TDRD1: variants seen among roughly 807,000 people sequenced by gnomAD.
The protein encoded by TDRD1 is tudor domain containing 1, also known as tudor domain-containing protein 1.
A neutral mutation model predicts 140.6 loss-of-function variants in TDRD1; 37 were observed. The ratio of observed to expected loss-of-function variants is 0.26; its 90% CI spans 0.20 to 0.35. The LOEUF (loss-of-function observed/expected upper bound fraction) is 0.35, where lower values mean the gene tolerates loss of function less well. Among genes scored for constraint, TDRD1 ranks in the 10% least tolerant of loss-of-function variants. The pLI, the probability that TDRD1 is intolerant of heterozygous loss-of-function variation, is 1.00. For synonymous variants in TDRD1, 506 were observed against 475.7 expected, an observed-to-expected ratio of 1.06 and a Z score of -0.83; for missense variants, 1,243 against 1,393.0, an observed-to-expected ratio of 0.89 and a Z score of 1.71.
In TDRD1 at chr10:114,199,424, A is replaced by G. The variant is rs112950858; in HGVS notation, c.529+107A>G. 58 of 1,377,318 alleles carry G rather than the reference A, an allele frequency of 4.2e-5. No homozygotes were observed. In the African/African-American group the frequency reaches 7.6e-4, roughly 18 times the overall value. 85.3% of individuals were successfully genotyped at this position (1,377,318 alleles called of 1,614,324 possible). On this transcript the variant is annotated intron_variant, in intron 4 of 25. Transcript: ENST00000251864. ...TAAGTGTAATTAGAACAGTGTCCCCATGCCACACACCCGTCTCAGCCTCAG... is the reference window on the plus strand; with the variant it reads ...TAAGTGTAATTAGAACAGTGTCCCCGTGCCACACACCCGTCTCAGCCTCAG...
At chr10:114,180,103 A>G (rs1307383229) in intron 1 of TDRD1, 1 of 152,234 alleles carries the variant, frequency 6.6e-6, no homozygotes, top group Non-Finnish European at 1.5e-5. Context: ...CGAAATAAAA[A>G]TACTTTAGTC....
chr10:114,228,877 C>A, intron 25 of TDRD1: 4 of 672,468 alleles, frequency 5.9e-6, no homozygotes, highest in Non-Finnish European at 5.5e-6. Flanking sequence ...TGAGCCCAGG[C>A]GTTCGAAGTC....
At chr10:114,195,727 T>A (rs2034297320) in intron 3 of TDRD1, among the ~76,000 whole-genome samples, 1 of 152,250 alleles carries the variant, frequency 6.6e-6, no homozygotes, top group African/African-American at 2.4e-5. Flanking sequence ...GTAATGTTTT[T>A]TAATTCACTA....
At chr10:114,220,999 A>G (rs2133156116) in intron 19 of TDRD1, among the ~76,000 whole-genome samples, 156 bp downstream of exon 19, 1 of 152,336 alleles carries the variant, frequency 6.6e-6, no homozygotes, top group South Asian at 2.1e-4. Flanking sequence ...AAATTATTGA[A>G]CAAACATTCA....
chr10:114,208,777 A>ATTT (rs577742983), intron 11 of TDRD1, among the ~76,000 whole-genome samples: 19 of 144,000 alleles, frequency 1.3e-4, no homozygotes, highest in African/African-American at 4.1e-4. Flanking sequence ...TTAAGATACA[A>ATTT]TTTTTTTTTT....
intron 3 of TDRD1, among the ~76,000 whole-genome samples, chr10:114,194,821 C>A (rs1030902147): frequency 6.7e-6 from 1 of 148,632 alleles, no homozygotes; most frequent in Non-Finnish European, 1.5e-5. Context: ...TGTAGTGGCA[C>A]AATCATAGCT....
chr10:114,226,827 T>G (rs2036465711), intron 22 of TDRD1, among the ~76,000 whole-genome samples: 1 of 152,174 alleles, frequency 6.6e-6, no homozygotes, highest in South Asian at 2.1e-4. Context: ...TGTTGGAATA[T>G]ATGAAGGACA....
intron 21 of TDRD1, among the ~76,000 whole-genome samples, chr10:114,224,947 G>A (rs564780867): frequency 6.6e-6 from 1 of 152,310 alleles, no homozygotes; most frequent in South Asian, 2.1e-4. Context: ...TTGAGAGTGG[G>A]CAGGGGCTTT....
At chr10:114,197,450 T>TC (rs1427232272) in intron 3 of TDRD1, among the ~76,000 whole-genome samples, 1 of 152,204 alleles carries the variant, frequency 6.6e-6, no homozygotes, top group Non-Finnish European at 1.5e-5. Flanking sequence ...GACTCCCTAT[T>TC]CATTTGTTTC....
chr10:114,201,481 G>T (rs201551896), exon 5 of TDRD1: 1 of 1,613,748 alleles, frequency 6.2e-7, no homozygotes, highest in Non-Finnish European at 8.5e-7. Context: ...AGACTGGTCT[G>T]CACACAGCAT....
intron 20 of TDRD1, among the ~76,000 whole-genome samples, chr10:114,221,719 G>A (rs1031953221): frequency 1.3e-5 from 2 of 152,100 alleles, no homozygotes; most frequent in Non-Finnish European, 2.9e-5. Flanking sequence ...TAACAGAAGT[G>A]TCCTTAATTA....
intron 21 of TDRD1, among the ~76,000 whole-genome samples, 170 bp downstream of exon 21, chr10:114,222,873 C>T (rs1160046180): frequency 1.3e-5 from 2 of 152,094 alleles, no homozygotes; most frequent in East Asian, 1.9e-4. Flanking sequence ...TTCAGCTTTT[C>T]GATTCTATAT....
intron 7 of TDRD1, 98 bp from the exon 8 acceptor site, chr10:114,203,290 C>A: frequency 6.7e-7 from 1 of 1,497,128 alleles, no homozygotes; most frequent in Non-Finnish European, 9.0e-7. Context: ...GCAAAAACTG[C>A]CTACAATGCT....
intron 20 of TDRD1, 144 bp downstream of exon 20, chr10:114,221,620 T>C: frequency 2.6e-6 from 2 of 778,288 alleles, no homozygotes; most frequent in Non-Finnish European, 4.0e-6. Flanking sequence ...TTAAGGCAAA[T>C]TTAGTTACGA....
exon 6 of TDRD1, chr10:114,202,240 T>A: frequency 1.2e-6 from 2 of 1,602,888 alleles, no homozygotes; most frequent in Non-Finnish European, 1.7e-6. Context: ...TATTGCAGTT[T>A]CCACAAACTT....
intron 1 of TDRD1, among the ~76,000 whole-genome samples, chr10:114,186,135 T>C (rs937725058): frequency 2.6e-5 from 4 of 152,216 alleles, no homozygotes; most frequent in Non-Finnish European, 4.4e-5. Context: ...TTTCCTGTGA[T>C]TTTAAAGTTA....
chr10:114,196,667 C>T (rs1407528622), intron 3 of TDRD1, among the ~76,000 whole-genome samples: 1 of 151,772 alleles, frequency 6.6e-6, no homozygotes, highest in Non-Finnish European at 1.5e-5. Context: ...AAAATTTCCC[C>T]CCCCATACAG....
chr10:114,210,643 C>T (rs775959213), exon 12 of TDRD1: 17 of 1,611,334 alleles, frequency 1.1e-5, no homozygotes, highest in Non-Finnish European at 1.4e-5. Context: ...CAAAAGTGAC[C>T]TAATCCCAAA....
intron 18 of TDRD1, 147 bp downstream of exon 18, chr10:114,218,731 A>T: frequency 6.9e-6 from 4 of 576,796 alleles, no homozygotes; most frequent in South Asian, 4.1e-5. Context: ...TACAATATTG[A>T]CCAAAAACGT....
Sources: gnomAD v4.1 joint callset for allele counts (sites outside exome capture counted in the v4.1 genomes callset) on GRCh38, gnomAD v4.1.1 for gene constraint, MANE v1.5 for transcripts, NCBI Gene and HGNC (gene_info 2026-07-23, HGNC 2026-07-21) for gene names.